Variants in RAET1E observed in about 807,000 individuals in gnomAD.
RAET1E encodes the protein retinoic acid early transcript 1E.
In RAET1E, 27 loss-of-function variants were observed where a neutral mutation model predicts 21.1. The ratio of observed to expected loss-of-function variants is 1.28; its 90% CI spans 0.94 to 1.76. RAET1E has a LOEUF of 1.76. Ranked by LOEUF, RAET1E falls within the 40% of genes most tolerant of loss-of-function variation. RAET1E has a pLI of 0.00. For missense variants in RAET1E, 310 were observed against 311.3 expected (o/e 1.00, Z 0.03); for synonymous variants, 113 against 115.0 (o/e 0.98, Z 0.11).
In RAET1E at chr6:149,886,426, A is replaced by G. The variant is rs1777611019; in HGVS notation, c.*2072T>C. 6.6e-6 allele frequency among the ~76,000 whole-genome samples: 1 copy of G among 152,048 alleles called. No homozygotes were observed. ...TATTTATTTATTGAGATGGAATCTCACTCTGTCACCCAGGCTGGAGTGCAA... is the reference window on the plus strand; with the variant it reads ...TATTTATTTATTGAGATGGAATCTCGCTCTGTCACCCAGGCTGGAGTGCAA... On this transcript the variant is annotated 3_prime_UTR_variant, in exon 6 of 6. Coordinates refer to ENST00000357183, the MANE Select transcript of RAET1E (RefSeq NM_001394057.1).
At chr6:149,893,053 C>A (rs1378258846) in intron 2 of RAET1E, among the ~76,000 whole-genome samples, 2 of 152,052 alleles carry the variant, frequency 1.3e-5, no homozygotes, top group African/African-American at 2.4e-5. Flanking sequence ...CCATTCTGTT[C>A]CATTGGTCTA....
In RAET1E at chr6:149,890,061, T is replaced by C; in HGVS notation, c.170A>G (p.Asn57Ser). Residue 57 changes from asparagine to serine, a missense_variant, in exon 4 of 6, where the codon AAT (asparagine) becomes AGT (serine). Asn to Ser is a conservative substitution (Grantham distance 46). Transcript: ENST00000357183. Reference protein sequence around the residue: ...QPWCEAQVFLNKNLFLQYNSD... With the variant: ...QPWCEAQVFLSKNLFLQYNSD... ...GTTGTACTGAAGGAAAAGATTTTTA[T>C]TCAAGAAGACCTGCGCTTCACACCA... 1 of 1,614,140 alleles carries C rather than the reference T, an allele frequency of 6.2e-7. No individual in the cohort carries two copies. The highest frequency in any genetic ancestry group is 8.5e-7 in the Non-Finnish European group (1 of 1,180,010).
chr6:149,884,996 G>C lies in RAET1E; in HGVS notation c.*3502C>G, dbSNP rs1191099620. ...TTCTGCTCACAATCCCCTCTCCCAC[G>C]GTCTGTGTGGCCCTGCCTCCAGCCT... On this transcript the variant is annotated 3_prime_UTR_variant, in exon 6 of 6. Transcript: ENST00000357183. Among the ~76,000 whole-genome samples, 1 of 152,110 alleles carries C rather than the reference G, an allele frequency of 6.6e-6. No individual in the cohort carries two copies. Among genetic ancestry groups the C allele is most frequent in the Admixed American group, 6.5e-5 (1 of 15,276 alleles).
At position 149,889,328 on chromosome 6, in the gene RAET1E, C is replaced by G; in HGVS notation, c.622+20G>C. On this transcript the variant is annotated intron_variant, in intron 5 of 5. Transcript: ENST00000357183. ...GACCTTTAAAGGGAGCTGCCACATT[C>G]TCCCACCCAGCTCAGTTACCTGTCG... 12 of 1,613,188 alleles carry G rather than the reference C, an allele frequency of 7.4e-6. No homozygotes were observed. Among genetic ancestry groups the G allele is most frequent in the Non-Finnish European group, 1.0e-5 (12 of 1,179,626 alleles).
chr6:149,890,313 T>A, intron 3 of RAET1E, 168 bp from the exon 4 acceptor site: 1 of 691,058 alleles, frequency 1.4e-6, no homozygotes, highest in Non-Finnish European at 2.4e-6. Flanking sequence ...TCTCCCTGAC[T>A]GTCTGGGATG....
intron 2 of RAET1E, among the ~76,000 whole-genome samples, chr6:149,895,069 C>T (rs1442117771): frequency 6.6e-6 from 1 of 152,218 alleles, no homozygotes; most frequent in African/African-American, 2.4e-5. Flanking sequence ...CCCTGTTTAC[C>T]TGGGTATCAC....
chr6:149,889,442 C>A lies in RAET1E; in HGVS notation c.528G>T (p.Gly176=), dbSNP rs775664164. The change falls in exon 5 of 6, where the codon GGG becomes GGT. Residue 176 remains glycine, a synonymous_variant. Coordinates refer to ENST00000357183, the MANE Select transcript of RAET1E (RefSeq NM_001394057.1). The part of the protein sequence containing the change: ...KIKETWKKDR[G]LEKYFRKLSK... The stretch of plus-strand genomic sequence containing the variant: ...AGAGCTTCCTGAAATACTTTTCCAG[C>A]CCTCTGTCTTTCTTCCATGTCTCCT... 1 of 1,614,208 alleles carries A rather than the reference C, an allele frequency of 6.2e-7. No individual in the cohort carries two copies. Among genetic ancestry groups the A allele is most frequent in the South Asian group, 1.1e-5 (1 of 91,086 alleles).
chr6:149,896,429 T>C (rs1778115809), intron 1 of RAET1E, among the ~76,000 whole-genome samples: 2 of 152,204 alleles, frequency 1.3e-5, no homozygotes, highest in Non-Finnish European at 2.9e-5. Flanking sequence ...TATGTGGTTC[T>C]CTGTCTGCTA....
At position 149,891,022 on chromosome 6, in the gene RAET1E, A is replaced by G; in HGVS notation, c.-121T>C. The G allele has an allele frequency of 1.4e-6, 1 of 715,146 alleles. No homozygotes were observed. The highest frequency in any genetic ancestry group is 2.5e-6 in the Non-Finnish European group (1 of 398,298). The allele number at this position is 715,146 out of a possible 1,614,324, so 44.3% of individuals were successfully genotyped here. ...TGCCCAAATTCTTTACCCTGGAACA[A>G]CTGAGGTCAGGCCTGTAGAGACCCA... On this transcript the variant is annotated 5_prime_UTR_variant, in exon 3 of 6. Transcript: ENST00000357183.
Position 149,886,281 on chromosome 6 carries a change from A to G in RAET1E, c.*2217T>C, listed in dbSNP as rs1233478229. ...TTTGGAAGCATATTATTTGATATCC[A>G]AACATTTGAGGATTTTTCCAGATAG... is the stretch of plus-strand genomic sequence containing the variant. On this transcript the variant is annotated 3_prime_UTR_variant, in exon 6 of 6. Transcript: ENST00000357183. Among the ~76,000 whole-genome samples, 1 of 152,246 alleles carries G rather than the reference A, an allele frequency of 6.6e-6. No individual in the cohort carries two copies.
intron 4 of RAET1E, 127 bp downstream of exon 4, chr6:149,889,758 T>C (rs530155760): frequency 1.4e-6 from 2 of 1,474,422 alleles, no homozygotes; most frequent in South Asian, 2.6e-5. Context: ...GCCCATTGGG[T>C]CCCATGTGCC....
At chr6:149,895,412 A>G (rs1778076018) in intron 2 of RAET1E, 1 of 152,314 alleles carries the variant, frequency 6.6e-6, no homozygotes, top group Non-Finnish European at 1.5e-5. Context: ...GAAATCTGGC[A>G]GTCTGGCCAT....
At chr6:149,889,155 G>A (rs1777758452) in intron 5 of RAET1E, 193 bp downstream of exon 5, 2 of 1,439,470 alleles carry the variant, frequency 1.4e-6, no homozygotes, top group Non-Finnish European at 1.8e-6. Context: ...CTACACTGAG[G>A]AAGAAACAGT....
intron 3 of RAET1E, 87 bp from the exon 4 acceptor site, chr6:149,890,232 T>C: frequency 6.8e-7 from 1 of 1,470,648 alleles, no homozygotes; most frequent in Non-Finnish European, 9.3e-7. Context: ...CTCCCTGGAC[T>C]GGGCCAGGCT....
intron 5 of RAET1E, 23 bp from the exon 6 acceptor site, chr6:149,888,690 A>AC: frequency 6.5e-7 from 1 of 1,547,144 alleles, no homozygotes; most frequent in Non-Finnish European, 8.6e-7. Flanking sequence ...AAAAAAAGAA[A>AC]AAAAAGCACA....
At chr6:149,890,214 A>G in intron 3 of RAET1E, 69 bp from the exon 4 acceptor site, 2 of 1,563,052 alleles carry the variant, frequency 1.3e-6, no homozygotes, top group Non-Finnish European at 1.7e-6. Flanking sequence ...CGCTTCTGTG[A>G]CCCAAGACTC....
At position 149,885,270 on chromosome 6, in the gene RAET1E, A is replaced by G. The variant is rs1777559361; in HGVS notation, c.*3228T>C. Reference sequence around the variant, plus strand: ...GACTTTGCCAAACCGCTGTGGATGCATTAATTTGGAAAGGTCCCTGTTCAC... The same window carrying G: ...GACTTTGCCAAACCGCTGTGGATGCGTTAATTTGGAAAGGTCCCTGTTCAC... On this transcript the variant is annotated 3_prime_UTR_variant, in exon 6 of 6. Transcript: ENST00000357183. 1.3e-5 allele frequency among the ~76,000 whole-genome samples: 2 copies of G among 151,926 alleles called. No homozygotes were observed. Among genetic ancestry groups the G allele is most frequent in the Non-Finnish European group, 1.5e-5 (1 of 67,992 alleles).
chr6:149,884,741 G>C lies in RAET1E; in HGVS notation c.*3757C>G, dbSNP rs755812265. Among the ~76,000 whole-genome samples, 3 of 152,214 alleles carry C rather than the reference G, an allele frequency of 2.0e-5. No homozygotes were observed. The highest frequency in any genetic ancestry group is 6.5e-5 in the Admixed American group (1 of 15,282). Reference sequence around the variant, plus strand: ...GGGGTTCAGAGCCAAGGAAGGCAAAGTATCAGTGGGAACACAGTGGGAAGG... The same window carrying C: ...GGGGTTCAGAGCCAAGGAAGGCAAACTATCAGTGGGAACACAGTGGGAAGG... On this transcript the variant is annotated 3_prime_UTR_variant, in exon 6 of 6. Transcript: ENST00000357183.
chr6:149,888,686 A>AAAAG lies in RAET1E; in HGVS notation c.623-20_623-19insCTTT. 1 of 1,546,072 alleles carries AAAAG rather than the reference A, an allele frequency of 6.5e-7. No individual in the cohort carries two copies. Among genetic ancestry groups the AAAAG allele is most frequent in the Admixed American group, 2.2e-5 (1 of 45,492 alleles). ...GGTGACACTAAAAAAAAAAAAAAAA[A>AAAAG]GAAAAAAAAGCACAAGCCCTGTCAC... On this transcript the variant is annotated intron_variant, in intron 5 of 5. Coordinates refer to ENST00000357183, the MANE Select transcript of RAET1E (RefSeq NM_001394057.1).
Sources: gnomAD v4.1 joint callset for allele counts (sites outside exome capture counted in the v4.1 genomes callset) on GRCh38, gnomAD v4.1.1 for gene constraint, MANE v1.5 for transcripts, NCBI Gene and HGNC (gene_info 2026-07-23, HGNC 2026-07-21) for gene names.